Variants in FYCO1 observed in about 807,000 individuals in gnomAD.
FYCO1 encodes FYVE and coiled-coil domain autophagy adaptor 1, also known as FYVE and coiled-coil domain-containing protein 1.
A neutral mutation model predicts 165.1 loss-of-function variants in FYCO1; 122 were observed. The ratio of observed to expected loss-of-function variants is 0.74; its 90% confidence interval spans 0.64 to 0.86. The LOEUF is 0.86. FYCO1 is among the 40% of genes least tolerant of loss of function. FYCO1 has a pLI of 0.00. For missense variants in FYCO1, 1,702 were observed against 1,810.3 expected (o/e 0.94, Z 1.09); for synonymous variants, 648 against 742.5 (o/e 0.87, Z 2.07).
intron 1 of FYCO1, among the ~76,000 whole-genome samples, chr3:45,987,793 C>T (rs1707378329): frequency 6.6e-6 from 1 of 152,200 alleles, no homozygotes; most frequent in African/African-American, 2.4e-5. Flanking sequence ...ATCCGGGCTG[C>T]GGCCAGGACA....
At chr3:45,987,219 G>T (rs891986370) in intron 1 of FYCO1, among the ~76,000 whole-genome samples, 1 of 152,194 alleles carries the variant, frequency 6.6e-6, no homozygotes, top group Admixed American at 6.5e-5. Context: ...AGCTGCCAGG[G>T]TCTAGGGGAG....
chr3:45,951,096 G>A (rs1704990654), intron 14 of FYCO1, among the ~76,000 whole-genome samples: 1 of 152,200 alleles, frequency 6.6e-6, no homozygotes, highest in Non-Finnish European at 1.5e-5. Flanking sequence ...CTGGGTATCT[G>A]AAGGATCTTC....
chr3:45,938,239 T>A, intron 14 of FYCO1: 1 of 1,289,286 alleles, frequency 7.8e-7, no homozygotes, highest in South Asian at 1.2e-5. Flanking sequence ...AGACCCTTGC[T>A]GGCCCCGACA....
At position 45,973,245 on chromosome 3, in the gene FYCO1, T is replaced by A. The variant is rs749812987; in HGVS notation, c.396-14A>T. 2 of 1,613,534 alleles carry A rather than the reference T, an allele frequency of 1.2e-6. No individual in the cohort carries two copies. Among genetic ancestry groups the A allele is most frequent in the African/African-American group, 1.3e-5 (1 of 75,026 alleles). The stretch of plus-strand genomic sequence containing the variant: ...TAGTACCAGTCACTGCAGAAAAACA[T>A]GTCAATTATAAGAGTAATAAAGATA... On this transcript the variant is annotated splice_polypyrimidine_tract_variant and intron_variant, in intron 5 of 17. Transcript: ENST00000296137.
intron 4 of FYCO1, among the ~76,000 whole-genome samples, chr3:45,978,568 G>C (rs549979008): frequency 6.6e-6 from 1 of 152,190 alleles, no homozygotes; most frequent in South Asian, 2.1e-4. Context: ...TTGGTGAGGA[G>C]CCCTTCCCAG....
Position 45,947,582 on chromosome 3 carries a change from C to T in FYCO1, c.3944+7667G>A, listed in dbSNP as rs116917020. On this transcript the variant is annotated intron_variant, in intron 14 of 17. Transcript: ENST00000296137. Reference sequence around the variant, plus strand: ...GCTGTGCCCTCTTGATGTGGTGAGGCAGGCTTTGTTTATAGCTTGCGCATT... The same window carrying T: ...GCTGTGCCCTCTTGATGTGGTGAGGTAGGCTTTGTTTATAGCTTGCGCATT... The T allele has an allele frequency of 2.6e-4, 318 of 1,228,434 alleles. 1 individual carries two copies. The East Asian group carries it at 7.3e-3, about 28-fold the overall frequency. 76.1% of individuals were successfully genotyped at this position (1,228,434 alleles called of 1,614,324 possible). A position where few individuals can be genotyped will look rare whatever the true frequency, so the allele number is the denominator to read the frequency against.
At chr3:45,982,954 C>G (rs1707128108) in intron 2 of FYCO1, among the ~76,000 whole-genome samples, 1 of 152,148 alleles carries the variant, frequency 6.6e-6, no homozygotes, top group Admixed American at 6.5e-5. Context: ...CTCCTCAGGC[C>G]AGGTAAACAC....
In FYCO1 at chr3:45,958,485, C is replaced by A. The variant is rs1460926376; in HGVS notation, c.3722G>T (p.Gly1241Val). 3.7e-6 allele frequency: 6 copies of A among 1,613,864 alleles called. No individual in the cohort carries two copies. In the African/African-American group the frequency reaches 5.3e-5, roughly 14 times the overall value. The stretch of plus-strand genomic sequence containing the variant: ...GGGCTCTCCCTGGCTAGTGCCTGAG[C>A]CACTGCTATCAGGGGAGCCAGGGCC... Reference protein sequence around the residue: ...SEGPGSPDSSGSGTSQGEPSP... With the variant: ...SEGPGSPDSSVSGTSQGEPSP... The change falls in exon 13 of 18, where the codon GGC becomes GTC. Residue 1241 changes from glycine to valine, a missense_variant. Physicochemically the swap from Gly to Val is moderately radical, Grantham distance 109 (BLOSUM62 -3). Transcript: ENST00000296137.
intron 15 of FYCO1, among the ~76,000 whole-genome samples, chr3:45,931,796 A>C (rs1346092189): frequency 6.6e-6 from 1 of 152,206 alleles, no homozygotes; most frequent in Non-Finnish European, 1.5e-5. Flanking sequence ...CGTCCATTGT[A>C]AGATTCCACA....
chr3:45,986,706 G>C (rs1001201890), intron 1 of FYCO1, among the ~76,000 whole-genome samples: 3 of 152,072 alleles, frequency 2.0e-5, no homozygotes, highest in African/African-American at 7.2e-5. Context: ...CCATCCATCA[G>C]GGACACCAAA....
chr3:45,990,000 G>A (rs774402111), intron 1 of FYCO1, among the ~76,000 whole-genome samples: 3 of 152,204 alleles, frequency 2.0e-5, no homozygotes, highest in Non-Finnish European at 4.4e-5. Flanking sequence ...CAATAATTAA[G>A]AACTCAACTG....
rs1703023232 is a variant in FYCO1 at position 45,919,519 on chromosome 3, G to C, written c.*2246C>G. ...AAACATCCAGCTCTCCTGGAGGAGT[G>C]GTTCTGGGTAAGCTGCAACCGGTCC... On this transcript the variant is annotated 3_prime_UTR_variant, in exon 18 of 18. Transcript: ENST00000296137. 1 of 152,232 alleles carries C rather than the reference G, an allele frequency of 6.6e-6. No individual in the cohort carries two copies. 9.4% of individuals were successfully genotyped at this position (152,232 alleles called of 1,614,324 possible). A position where few individuals can be genotyped will look rare whatever the true frequency, so the allele number is the denominator to read the frequency against.
chr3:45,984,431 T>C (rs992653736), intron 2 of FYCO1: 6 of 345,972 alleles, frequency 1.7e-5, no homozygotes, highest in African/African-American at 1.1e-4. Flanking sequence ...CAGGACCCAG[T>C]TGGGCAGCAA....
At chr3:45,953,106 A>C (rs1705121763) in intron 14 of FYCO1, among the ~76,000 whole-genome samples, 1 of 152,224 alleles carries the variant, frequency 6.6e-6, no homozygotes, top group Non-Finnish European at 1.5e-5. Flanking sequence ...GTTATTCTCT[A>C]GTCAGGGAAC....
chr3:45,964,998 CCT>C lies in FYCO1; in HGVS notation c.3150+33_3150+34del, dbSNP rs2125846775. ...GTCCAGTCAAAACCACACCAGATGC[CCT>C]CTCCCTGACAGGTCTACACTACCAG... is the stretch of plus-strand genomic sequence containing the variant. On this transcript the variant is annotated intron_variant, in intron 9 of 17. Coordinates refer to ENST00000296137, the MANE Select transcript of FYCO1 (RefSeq NM_024513.4). This position sits in a 1 kb window ranked among gnomAD's most constrained non-coding sequence, Gnocchi z 4.1. 1 of 1,557,660 alleles carries C rather than the reference CCT, an allele frequency of 6.4e-7. No individual in the cohort carries two copies. Among genetic ancestry groups the C allele is most frequent in the East Asian group, 2.2e-5 (1 of 44,580 alleles).
Position 45,962,418 on chromosome 3 carries a change from T to G in FYCO1, c.3270-26A>C, listed in dbSNP as rs910962938. The G allele has an allele frequency of 6.2e-7, 1 of 1,611,800 alleles. No homozygotes were observed. Among genetic ancestry groups the G allele is most frequent in the African/African-American group, 1.3e-5 (1 of 74,830 alleles). On this transcript the variant is annotated intron_variant, in intron 10 of 17. Transcript: ENST00000296137. The surrounding 1 kb of genome is among the most constrained non-coding windows in gnomAD (Gnocchi z 4.4). ...CTGGGGGAGGAGTGGTAAGTTTTCT[T>G]GATTAGCCAGGACTTCCAGCTTTCC...
rs1051191028 is a variant in FYCO1, at chr3:45,943,603, G to C, written c.3945-7060C>G. 4 of 152,200 alleles carry C rather than the reference G, an allele frequency of 2.6e-5. No homozygotes were observed. The South Asian group carries it at 6.2e-4, about 24-fold the overall frequency. 9.4% of individuals were successfully genotyped at this position (152,200 alleles called of 1,614,324 possible). A position where few individuals can be genotyped will look rare whatever the true frequency, so the allele number is the denominator to read the frequency against. ...ACAGGGAGGACTAACCCCAGGTATTGTTGGTATTCTCAGATTCCTGTCTGT... is the reference window on the plus strand; with the variant it reads ...ACAGGGAGGACTAACCCCAGGTATTCTTGGTATTCTCAGATTCCTGTCTGT... On this transcript the variant is annotated intron_variant, in intron 14 of 17. Transcript: ENST00000296137.
intron 2 of FYCO1, among the ~76,000 whole-genome samples, chr3:45,982,916 A>C (rs1280808281): frequency 6.6e-6 from 1 of 152,182 alleles, no homozygotes; most frequent in Non-Finnish European, 1.5e-5. Context: ...TGGGAGAGAC[A>C]AAGAGCCTTC....
intron 14 of FYCO1, among the ~76,000 whole-genome samples, chr3:45,949,201 A>T (rs1402167040): frequency 6.6e-6 from 1 of 152,216 alleles, no homozygotes; most frequent in African/African-American, 2.4e-5. Context: ...CTACAAGCAG[A>T]GTTTTACTGT....
Sources: allele counts gnomAD v4.1 joint callset (sites outside exome capture counted in the v4.1 genomes callset), GRCh38; gene constraint gnomAD v4.1.1; non-coding constraint Gnocchi (gnomAD v3.1); transcripts MANE v1.5; gene names NCBI Gene and HGNC (gene_info 2026-07-23, HGNC 2026-07-21).